GRAMD1C: variants seen among roughly 807,000 people sequenced by gnomAD.
GRAMD1C encodes GRAM domain containing 1C, also known as protein Aster-C.
Under a neutral mutation model 97.8 loss-of-function variants are expected in GRAMD1C, and 89 were observed. The ratio of observed to expected loss-of-function variants is 0.91; its 90% CI spans 0.77 to 1.09. The LOEUF (loss-of-function observed/expected upper bound fraction) is 1.09. Among genes scored for constraint, GRAMD1C ranks in the 50% least tolerant of loss-of-function variants. The pLI is 0.00. For synonymous variants in GRAMD1C, 256 were observed against 267.0 expected, an observed-to-expected ratio of 0.96 and a Z score of 0.40; for missense variants, 740 against 766.4, an observed-to-expected ratio of 0.97 and a Z score of 0.41.
Position 113,915,787 on chromosome 3 carries a change from T to C in GRAMD1C, c.1039T>C (p.Phe347Leu), listed in dbSNP as rs940297616. Residue 347 changes from phenylalanine to leucine, a missense_variant, in exon 10 of 18, where the codon TTT becomes CTT. Transcript: ENST00000358160. ...TGCTGACAGAATGTTTGAATTGCTC[T>C]TTACCAGTTCACGCTTTATGCAGAA... is the stretch of plus-strand genomic sequence containing the variant. Reference protein sequence around the residue: ...ISADRMFELLFTSSRFMQKFA... With the variant: ...ISADRMFELLLTSSRFMQKFA... 1 of 1,610,612 alleles carries C rather than the reference T, an allele frequency of 6.2e-7. No individual in the cohort carries two copies. Among genetic ancestry groups the C allele is most frequent in the African/African-American group, 1.3e-5 (1 of 74,890 alleles).
chr3:113,900,628 A>G (rs1371016752), intron 6 of GRAMD1C, among the ~76,000 whole-genome samples: 3 of 150,190 alleles, frequency 2.0e-5, no homozygotes, highest in Non-Finnish European at 3.0e-5. Context: ...AGGTTTCACC[A>G]TGTTGGCCAG....
intron 10 of GRAMD1C, chr3:113,920,001 C>G (rs368006595): frequency 1.2e-5 from 8 of 690,938 alleles, no homozygotes; most frequent in East Asian, 3.0e-5. Context: ...CTCCAACAAT[C>G]AGATGTGAAC....
upstream of GRAMD1C, among the ~76,000 whole-genome samples, chr3:113,835,917 T>A (rs182364859): frequency 6.0e-4 from 91 of 152,362 alleles, no homozygotes; most frequent in Non-Finnish European, 1.1e-3. Context: ...ACCTGTCTTT[T>A]ACTGATTATC....
At chr3:113,920,975 G>C (rs1222096695) in intron 10 of GRAMD1C, among the ~76,000 whole-genome samples, 1 of 152,164 alleles carries the variant, frequency 6.6e-6, no homozygotes, top group African/African-American at 2.4e-5. Context: ...TAAATTGTGT[G>C]TCATGGGAGT....
intron 6 of GRAMD1C, among the ~76,000 whole-genome samples, chr3:113,888,172 A>G (rs4682144): frequency 0.33 from 50,821 of 152,102 alleles, 9,045 homozygotes; most frequent in East Asian, 0.62. Flanking sequence ...CATCACCACA[A>G]GAAAACTCTG....
intron 16 of GRAMD1C, 93 bp downstream of exon 16, chr3:113,940,089 C>A: frequency 1.1e-6 from 1 of 885,720 alleles, no homozygotes; most frequent in Non-Finnish European, 1.9e-6. Flanking sequence ...AGACTGTGGT[C>A]TGCTAACTAT....
chr3:113,924,668 A>G (rs1056112217), intron 10 of GRAMD1C, among the ~76,000 whole-genome samples: 1 of 152,224 alleles, frequency 6.6e-6, no homozygotes, highest in Non-Finnish European at 1.5e-5. Context: ...GCATTTGCTT[A>G]GAATTGTTTA....
upstream of GRAMD1C, among the ~76,000 whole-genome samples, chr3:113,838,235 G>C (rs568201661): frequency 1.3e-5 from 2 of 152,246 alleles, no homozygotes; most frequent in Admixed American, 6.5e-5. Flanking sequence ...TCTGCAATAC[G>C]TACAGCAGTT....
intron 9 of GRAMD1C, 149 bp downstream of exon 9, chr3:113,909,269 A>G (rs1156969553): frequency 7.1e-6 from 3 of 424,998 alleles, no homozygotes; most frequent in Non-Finnish European, 1.2e-5. Context: ...GCTTATAGAA[A>G]ATAGGAGAAA....
At chr3:113,844,430 A>T in intron 1 of GRAMD1C, 73 bp from the exon 2 acceptor site, 1 of 983,410 alleles carries the variant, frequency 1.0e-6, no homozygotes, top group South Asian at 1.4e-5. Flanking sequence ...ATATGTTGTG[A>T]ACATTAACTT....
intron 2 of GRAMD1C, among the ~76,000 whole-genome samples, chr3:113,863,639 A>G (rs554788049): frequency 4.3e-5 from 6 of 139,026 alleles, no homozygotes; most frequent in African/African-American, 1.5e-4. Flanking sequence ...TTATATCTCA[A>G]TTTTTTAAAG....
chr3:113,922,100 G>A (rs1559816818), intron 10 of GRAMD1C, among the ~76,000 whole-genome samples: 1 of 151,466 alleles, frequency 6.6e-6, no homozygotes, highest in African/African-American at 2.4e-5. Context: ...TCGAGATAGG[G>A]TCTCACTGTG....
rs1278944124 is a variant in GRAMD1C at position 113,940,325 on chromosome 3, T to G, written c.1888T>G (p.Ser630Ala). The G allele has an allele frequency of 1.3e-6, 2 of 1,587,174 alleles. No homozygotes were observed. The highest frequency in any genetic ancestry group is 1.7e-5 in the Admixed American group (1 of 59,962). ...AHRLKGVLRDSIVMLEQLKSS... is the reference protein window; with the variant it reads ...AHRLKGVLRDAIVMLEQLKSS... ...TCGTTTAAAGGGAGTGCTCCGAGAC[T>G]CCATAGTGATGCTTGAACAGGTAGG... is the stretch of plus-strand genomic sequence containing the variant. Residue 630 changes from serine to alanine, a missense_variant, in exon 17 of 18, where the codon TCC (serine) becomes GCC (alanine). Transcript: ENST00000358160.
At chr3:113,872,790 C>T (rs1479742722) in intron 3 of GRAMD1C, among the ~76,000 whole-genome samples, 5 of 150,812 alleles carry the variant, frequency 3.3e-5, no homozygotes, top group African/African-American at 7.3e-5. Flanking sequence ...AAACCACTGA[C>T]GCTGGGCATG....
rs568119031 is a variant in GRAMD1C, at chr3:113,930,462, A to G, written c.1091-252A>G. ...ACAACTTTTAATTTTATCTTCTAAT[A>G]AAAGGAAAAAGGATATTAATAAACA... is the stretch of plus-strand genomic sequence containing the variant. On this transcript the variant is annotated intron_variant, in intron 10 of 17. Transcript: ENST00000358160. Among the ~76,000 whole-genome samples, 27 of 152,332 alleles carry G rather than the reference A, an allele frequency of 1.8e-4. No homozygotes were observed. In the South Asian group the frequency reaches 4.6e-3, roughly 26 times the overall value.
intron 11 of GRAMD1C, 131 bp from the exon 12 acceptor site, chr3:113,933,380 A>T: frequency 1.6e-6 from 1 of 608,050 alleles, no homozygotes; most frequent in Non-Finnish European, 2.8e-6. Flanking sequence ...AGGCTCTTTT[A>T]GCTTTGTATA....
intron 2 of GRAMD1C, among the ~76,000 whole-genome samples, chr3:113,863,349 G>A (rs1934469319): frequency 1.3e-5 from 2 of 152,118 alleles, no homozygotes; most frequent in Admixed American, 1.3e-4. Context: ...AGGGCCACAA[G>A]AGTGCATATC....
In GRAMD1C at chr3:113,887,563, G is replaced by C. The variant is rs1439298216; in HGVS notation, c.540+4731G>C. Among the ~76,000 whole-genome samples the C allele has an allele frequency of 2.0e-5, 3 of 151,120 alleles. No individual in the cohort carries two copies. In the East Asian group the frequency reaches 6.1e-4, roughly 31 times the overall value. On this transcript the variant is annotated intron_variant, in intron 6 of 17. Coordinates refer to ENST00000358160, the MANE Select transcript of GRAMD1C (RefSeq NM_017577.5). The stretch of plus-strand genomic sequence containing the variant: ...AAAATACAAAAAATTAGCCGGGCAT[G>C]GTGGTAGGGCACCTGTAGTCCCAGC...
chr3:113,937,457 C>T (rs1448284762), intron 14 of GRAMD1C, among the ~76,000 whole-genome samples: 1 of 152,038 alleles, frequency 6.6e-6, no homozygotes, highest in African/African-American at 2.4e-5. Flanking sequence ...GAGATATTTG[C>T]TTATTGATTA....
Sources: allele counts gnomAD v4.1 joint callset (sites outside exome capture counted in the v4.1 genomes callset), GRCh38; gene constraint gnomAD v4.1.1; transcripts MANE v1.5; gene names NCBI Gene and HGNC (gene_info 2026-07-23, HGNC 2026-07-21).